USP47: variants seen among roughly 807,000 people sequenced by gnomAD.
The protein encoded by USP47 is ubiquitin carboxyl-terminal hydrolase 47.
A neutral mutation model predicts 165.1 loss-of-function variants in USP47; 35 were observed. That is an observed-to-expected ratio of 0.21 (90% CI 0.16 to 0.28). The LOEUF is 0.28. Among genes scored for constraint, USP47 ranks in the 10% least tolerant of loss-of-function variants. USP47 has a pLI of 1.00. For synonymous variants in USP47, 531 were observed against 544.5 expected (o/e 0.98, Z 0.35); for missense variants, 1,277 against 1,607.4 (o/e 0.79, Z 3.52).
intron 15 of USP47, 75 bp downstream of exon 15, chr11:11,933,191 C>T: frequency 8.8e-7 from 1 of 1,139,816 alleles, no homozygotes; most frequent in Non-Finnish European, 1.3e-6. Flanking sequence ...TAATGACTAA[C>T]TCATTGGGTT....
chr11:11,868,396 G>A (rs1849819450), intron 1 of USP47, among the ~76,000 whole-genome samples: 1 of 152,162 alleles, frequency 6.6e-6, no homozygotes, highest in Non-Finnish European at 1.5e-5. Flanking sequence ...AGATTGTAGA[G>A]TCTTTTGGGG....
At position 11,959,743 on chromosome 11, in the gene USP47, C is replaced by T. The variant is rs894013078; in HGVS notation, c.*3568C>T. 5.3e-5 allele frequency among the ~76,000 whole-genome samples: 8 copies of T among 152,116 alleles called. No homozygotes were observed. Among genetic ancestry groups the T allele is most frequent in the Admixed American group, 2.6e-4 (4 of 15,282 alleles). ...GAGAGTTGAGAGGAATGCTCTGCCC[C>T]TTCCCCATCACAGCACTGCCCCTTT... is the stretch of plus-strand genomic sequence containing the variant. On this transcript the variant is annotated 3_prime_UTR_variant, in exon 28 of 28. Transcript: ENST00000527733.
intron 24 of USP47, chr11:11,951,637 G>T (rs963338564): frequency 7.2e-5 from 11 of 152,046 alleles, no homozygotes; most frequent in African/African-American, 2.7e-4. Flanking sequence ...TGGATATTTT[G>T]TTACAAGATT....
rs369914289 is a variant in USP47, at chr11:11,949,938, G to A, written c.3398G>A (p.Arg1133Gln). The A allele has an allele frequency of 9.3e-6, 15 of 1,612,728 alleles. No homozygotes were observed. In the Admixed American group the frequency reaches 1.5e-4, roughly 16 times the overall value. Reference protein sequence around the residue: ...DAVFAKGMTVRQSKEELIPQL... With the variant: ...DAVFAKGMTVQQSKEELIPQL... The stretch of plus-strand genomic sequence containing the variant: ...GTGTTTGCTAAAGGAATGACTGTAC[G>A]GCAATCAAAAGAGGAATTAATTCCT... Residue 1133 changes from arginine (R) to glutamine (Q), a missense_variant, in exon 23 of 28, where the codon CGG becomes CAG. This residue lies in a region of USP47 where 909 missense variants were observed against 1,068.1 expected (regional missense o/e 0.85). Coordinates refer to ENST00000527733, the MANE Select transcript of USP47 (RefSeq NM_001282659.2).
chr11:11,939,696 C>G (rs1434590745), intron 18 of USP47, among the ~76,000 whole-genome samples: 2 of 151,854 alleles, frequency 1.3e-5, no homozygotes, highest in Non-Finnish European at 2.9e-5. Context: ...GAAAGAGACA[C>G]AGTAGTTTCT....
intron 2 of USP47, among the ~76,000 whole-genome samples, chr11:11,883,646 T>A (rs528966438): frequency 1.3e-5 from 2 of 152,308 alleles, no homozygotes; most frequent in South Asian, 4.1e-4. Flanking sequence ...GTTTTAAAGA[T>A]GTTTATCTCT....
At chr11:11,892,154 G>C (rs1590318106) in intron 4 of USP47, 48 bp downstream of exon 4, 1 of 1,567,920 alleles carries the variant, frequency 6.4e-7, no homozygotes, top group East Asian at 2.3e-5. Flanking sequence ...TAGATCCAAA[G>C]TAATCTTAGC....
At chr11:11,924,204 AT>A (rs564257111) in intron 11 of USP47, among the ~76,000 whole-genome samples, 5 of 151,072 alleles carry the variant, frequency 3.3e-5, no homozygotes, top group South Asian at 2.1e-4. Flanking sequence ...ATTTTTCCAG[AT>A]TTTTTTTTCT....
intron 1 of USP47, among the ~76,000 whole-genome samples, chr11:11,857,562 C>CA (rs1402476923): frequency 6.6e-6 from 1 of 152,128 alleles, no homozygotes; most frequent in Non-Finnish European, 1.5e-5. Context: ...ATGATTTTAA[C>CA]ACTGGAAGGG....
At chr11:11,941,969 A>G (rs1855504294) in intron 19 of USP47, among the ~76,000 whole-genome samples, 1 of 152,106 alleles carries the variant, frequency 6.6e-6, no homozygotes, top group Non-Finnish European at 1.5e-5. Context: ...TTCAGGCTAA[A>G]CTTGGATTTC....
rs189556866 is a variant in USP47 at position 11,920,064 on chromosome 11, A to T, written c.970-92A>T. 963 of 965,640 alleles carry T rather than the reference A, an allele frequency of 1.0e-3. 4 individuals carry two copies. The African/African-American group carries it at 0.011, about 11-fold the overall frequency. 59.8% of individuals were successfully genotyped at this position (965,640 alleles called of 1,614,324 possible). A position where few individuals can be genotyped will look rare whatever the true frequency, so the allele number is the denominator to read the frequency against. On this transcript the variant is annotated intron_variant, in intron 8 of 27. Coordinates refer to ENST00000527733, the MANE Select transcript of USP47 (RefSeq NM_001282659.2). ...TCCTAAATTTCTAACCATTCTACTT[A>T]TAACTTTTAGTAATTACAGTCTTTT...
intron 1 of USP47, among the ~76,000 whole-genome samples, chr11:11,868,045 A>C (rs1278961091): frequency 2.0e-5 from 3 of 152,214 alleles, no homozygotes; most frequent in Admixed American, 6.5e-5. Flanking sequence ...GTTGAAAAAT[A>C]GTAGAATAGA....
chr11:11,947,817 A>G, intron 20 of USP47, 128 bp from the exon 21 acceptor site: 2 of 893,866 alleles, frequency 2.2e-6, no homozygotes, highest in South Asian at 2.2e-5. Context: ...TATATTAGCT[A>G]AAGTCTAACT....
chr11:11,897,661 T>C lies in USP47; in HGVS notation c.561T>C (p.Phe187=). 6.2e-7 allele frequency: 1 copy of C among 1,611,692 alleles called. No homozygotes were observed. The highest frequency in any genetic ancestry group is 1.7e-5 in the Admixed American group (1 of 59,898). Reference sequence around the variant, plus strand: ...TGAATAGCCTTTTGCAAACACTTTTTATGACTCCTGAATTTAGGAATGCAT... The same window carrying C: ...TGAATAGCCTTTTGCAAACACTTTTCATGACTCCTGAATTTAGGAATGCAT... ...CYLNSLLQTL[F]MTPEFRNALY... The change falls in exon 5 of 28, where the codon TTT becomes TTC. Residue 187 remains phenylalanine (F), a synonymous_variant. Transcript: ENST00000527733.
intron 18 of USP47, 128 bp from the exon 19 acceptor site, chr11:11,940,301 T>G (rs1855376825): frequency 2.1e-6 from 2 of 938,842 alleles, no homozygotes; most frequent in Non-Finnish European, 2.9e-6. Flanking sequence ...TTTTAAAACC[T>G]CTACTAAAAT....
intron 7 of USP47, among the ~76,000 whole-genome samples, chr11:11,904,858 T>C (rs755546636): frequency 1.3e-5 from 2 of 152,300 alleles, no homozygotes; most frequent in African/African-American, 4.8e-5. Context: ...AATTGTGTTA[T>C]GTATATTACT....
chr11:11,932,743 G>A (rs1854765985), intron 14 of USP47, among the ~76,000 whole-genome samples: 1 of 152,120 alleles, frequency 6.6e-6, no homozygotes, highest in Non-Finnish European at 1.5e-5. Flanking sequence ...TCCACATACT[G>A]GAGTTGTTCT....
intron 5 of USP47, among the ~76,000 whole-genome samples, chr11:11,899,165 A>T (rs888947129): frequency 6.6e-6 from 1 of 152,176 alleles, no homozygotes; most frequent in African/African-American, 2.4e-5. Context: ...AGAGTACTGG[A>T]GGATGAGGTT....
chr11:11,942,272 G>A, intron 19 of USP47, 63 bp from the exon 20 acceptor site: 1 of 1,445,522 alleles, frequency 6.9e-7, no homozygotes, highest in East Asian at 2.3e-5. Context: ...GCAATATAAT[G>A]ATGATGATGA....
Sources: allele counts gnomAD v4.1 joint callset (sites outside exome capture counted in the v4.1 genomes callset), GRCh38; gene constraint gnomAD v4.1.1; regional missense constraint gnomAD v4.1.1; transcripts MANE v1.5; gene names NCBI Gene and HGNC (gene_info 2026-07-23, HGNC 2026-07-21).